UGT8: variants seen among roughly 807,000 people sequenced by gnomAD.
UGT8 encodes the protein 2-hydroxyacylsphingosine 1-beta-galactosyltransferase.
A neutral mutation model predicts 40.5 loss-of-function variants in UGT8; 12 were observed. The ratio of observed to expected loss-of-function variants is 0.30; its 90% confidence interval spans 0.19 to 0.48. The LOEUF is 0.48. Among genes scored for constraint, UGT8 ranks in the 20% least tolerant of loss-of-function variants. The pLI is 0.99. For synonymous variants in UGT8, 224 were observed against 240.4 expected (o/e 0.93, Z 0.63); for missense variants, 513 against 648.7 (o/e 0.79, Z 2.27).
chr4:114,611,403 CATATATATATATATATATAT>C (rs60533468), intron 1 of UGT8, among the ~76,000 whole-genome samples: 14 of 106,298 alleles, frequency 1.3e-4, no homozygotes, highest in African/African-American at 3.2e-4. Context: ...CATATATATC[CATATATATATATATATATAT>C]ATATATATAT....
chr4:114,599,990 C>G (rs1684561368), intron 1 of UGT8, among the ~76,000 whole-genome samples: 1 of 152,146 alleles, frequency 6.6e-6, no homozygotes. Context: ...GGAATAGCCT[C>G]TGTACCTGTA....
At chr4:114,606,364 A>G (rs979328703) in intron 1 of UGT8, among the ~76,000 whole-genome samples, 5 of 152,124 alleles carry the variant, frequency 3.3e-5, no homozygotes, top group African/African-American at 1.2e-4. Context: ...TCTTAGGCCT[A>G]AGACTAGGCA....
intron 2 of UGT8, among the ~76,000 whole-genome samples, chr4:114,644,833 C>T (rs1451069621): frequency 2.0e-5 from 3 of 152,120 alleles, no homozygotes; most frequent in Non-Finnish European, 4.4e-5. Context: ...TGCATGGTCC[C>T]TCTACAGCTG....
chr4:114,618,980 T>G (rs1457809440), intron 1 of UGT8, among the ~76,000 whole-genome samples: 1 of 152,186 alleles, frequency 6.6e-6, no homozygotes, highest in East Asian at 1.9e-4. Context: ...TGTAGAATTC[T>G]TGGGCTAATT....
intron 2 of UGT8, among the ~76,000 whole-genome samples, chr4:114,653,044 A>G (rs990964380): frequency 1.3e-5 from 2 of 152,042 alleles, no homozygotes; most frequent in Non-Finnish European, 2.9e-5. Context: ...ACCATTGCCC[A>G]TACCGTTCTG....
chr4:114,624,294 C>T (rs896570719), intron 2 of UGT8, among the ~76,000 whole-genome samples: 4 of 152,194 alleles, frequency 2.6e-5, no homozygotes, highest in African/African-American at 9.7e-5. Context: ...ATCAATGGCA[C>T]TTTAAGAAAC....
At chr4:114,646,605 G>T (rs1180769952) in intron 2 of UGT8, among the ~76,000 whole-genome samples, 1 of 152,160 alleles carries the variant, frequency 6.6e-6, no homozygotes, top group Non-Finnish European at 1.5e-5. Context: ...ACCATTTCCA[G>T]ATGCATTCAA....
chr4:114,620,373 G>A (rs1731709586), intron 1 of UGT8, among the ~76,000 whole-genome samples: 1 of 152,126 alleles, frequency 6.6e-6, no homozygotes, highest in Non-Finnish European at 1.5e-5. Flanking sequence ...CTTATCCCTG[G>A]AGTTCATATT....
intron 2 of UGT8, among the ~76,000 whole-genome samples, chr4:114,631,133 C>T (rs1036297788): frequency 1.3e-5 from 2 of 152,212 alleles, no homozygotes; most frequent in Non-Finnish European, 2.9e-5. Flanking sequence ...ATACTGACTT[C>T]TTCCTATATT....
At position 114,672,713 on chromosome 4, in the gene UGT8, C is replaced by A. The variant is rs532831692; in HGVS notation, c.1263-3212C>A. 2.6e-5 allele frequency among the ~76,000 whole-genome samples: 4 copies of A among 152,236 alleles called. No individual in the cohort carries two copies. In the South Asian group the frequency reaches 8.3e-4, roughly 32 times the overall value. On this transcript the variant is annotated intron_variant, in intron 5 of 5. Transcript: ENST00000310836. ...AACTTAGCGGATGGGTCAATAGGTACAGCAAACCACCATGGCACATGTATA... is the reference window on the plus strand; with the variant it reads ...AACTTAGCGGATGGGTCAATAGGTAAAGCAAACCACCATGGCACATGTATA...
At chr4:114,621,499 TA>T (rs1221267403) in intron 1 of UGT8, among the ~76,000 whole-genome samples, 3 of 152,308 alleles carry the variant, frequency 2.0e-5, no homozygotes, top group African/African-American at 7.2e-5. Flanking sequence ...CCATTCAAAA[TA>T]ATTATTTTCT....
intron 1 of UGT8, among the ~76,000 whole-genome samples, chr4:114,607,143 G>T (rs528365079): frequency 6.6e-6 from 1 of 152,162 alleles, no homozygotes; most frequent in Non-Finnish European, 1.5e-5. Flanking sequence ...TGCCCCTGAA[G>T]CATAGCCCTA....
chr4:114,658,384 T>C (rs973173263), intron 2 of UGT8, among the ~76,000 whole-genome samples: 9 of 152,224 alleles, frequency 5.9e-5, no homozygotes, highest in Non-Finnish European at 8.8e-5. Context: ...TGCAGTGTTA[T>C]AGGTTTCTCT....
At chr4:114,674,356 C>G (rs1435273903) in intron 5 of UGT8, among the ~76,000 whole-genome samples, 1 of 152,144 alleles carries the variant, frequency 6.6e-6, no homozygotes, top group Non-Finnish European at 1.5e-5. Context: ...TCTCCCTTTC[C>G]CTTCACATTT....
chr4:114,617,291 G>A (rs1731502339), intron 1 of UGT8, among the ~76,000 whole-genome samples: 1 of 152,100 alleles, frequency 6.6e-6, no homozygotes, highest in Non-Finnish European at 1.5e-5. Context: ...TTTGGCCTTG[G>A]AGAAATCACT....
intron 2 of UGT8, among the ~76,000 whole-genome samples, chr4:114,647,958 A>G (rs542352567): frequency 1.3e-5 from 2 of 152,212 alleles, no homozygotes; most frequent in Non-Finnish European, 2.9e-5. Flanking sequence ...ATTCATGGAC[A>G]ATGTCATGTT....
At chr4:114,603,641 G>A (rs1229613360) in intron 1 of UGT8, among the ~76,000 whole-genome samples, 2 of 152,078 alleles carry the variant, frequency 1.3e-5, no homozygotes, top group African/African-American at 4.8e-5. Flanking sequence ...AGACAGTCTC[G>A]GTTCCCACCC....
chr4:114,658,202 A>G (rs1380876889), intron 2 of UGT8, among the ~76,000 whole-genome samples: 2 of 152,188 alleles, frequency 1.3e-5, no homozygotes, highest in Non-Finnish European at 2.9e-5. Context: ...AAAGCAGAGC[A>G]TTCTTTGTAT....
At chr4:114,640,424 G>A (rs974591811) in intron 2 of UGT8, among the ~76,000 whole-genome samples, 5 of 152,048 alleles carry the variant, frequency 3.3e-5, no homozygotes, top group Non-Finnish European at 7.4e-5. Context: ...ACTCAAGTAG[G>A]CCCTAGCTGA....
Sources: gnomAD v4.1 joint callset for allele counts (sites outside exome capture counted in the v4.1 genomes callset) on GRCh38, gnomAD v4.1.1 for gene constraint, MANE v1.5 for transcripts, NCBI Gene and HGNC (gene_info 2026-07-23, HGNC 2026-07-21) for gene names.